Variants in EML6 observed in about 807,000 individuals in gnomAD.
The protein encoded by EML6 is EMAP like 6.
Under a neutral mutation model 240.1 loss-of-function variants are expected in EML6, and 154 were observed. That is an observed-to-expected ratio of 0.64 (90% CI 0.56 to 0.73). EML6 has a LOEUF of 0.73. Ranked by LOEUF, EML6 falls within the 30% of genes least tolerant of loss-of-function variation. The pLI is 0.00. For missense variants in EML6, 2,964 were observed against 2,474.6 expected, an observed-to-expected ratio of 1.20 and a Z score of -4.20; for synonymous variants, 1,148 against 899.0, an observed-to-expected ratio of 1.28 and a Z score of -4.95.
chr2:54,899,710 G>A lies in EML6; in HGVS notation c.3052G>A (p.Asp1018Asn), dbSNP rs781305001. ...CCTGCCCATCTGTGCAACAGTGAGCGATGATAAAACACTTCGCATCTGGGA... is the reference window on the plus strand; with the variant it reads ...CCTGCCCATCTGTGCAACAGTGAGCAATGATAAAACACTTCGCATCTGGGA... ...PLLPICATVSDDKTLRIWELS... is the reference protein window; with the variant it reads ...PLLPICATVSNDKTLRIWELS... The change falls in exon 22 of 42, where the codon GAT becomes AAT. Residue 1018 changes from aspartate to asparagine, a missense_variant. Physicochemically the swap from Asp to Asn is conservative, Grantham distance 23. Transcript: ENST00000356458. 6 of 1,552,352 alleles carry A rather than the reference G, an allele frequency of 3.9e-6. No individual in the cohort carries two copies. The highest frequency in any genetic ancestry group is 1.4e-5 in the African/African-American group (1 of 73,066).
chr2:54,829,358 T>C lies in EML6; in HGVS notation c.728T>C (p.Met243Thr), dbSNP rs200952932. Residue 243 changes from methionine to threonine, a missense_variant, in exon 7 of 42, where the codon ATG (methionine) becomes ACG (threonine). By Grantham distance (81) the Met-to-Thr change is moderately conservative. Transcript: ENST00000356458. ...QGAHSAGIFS[M>T]YACEEGFATG... ...AATCAACAGGCTGGAATCTTTAGCA[T>C]GTATGCTTGTGAAGAAGGCTTTGCC... The C allele has an allele frequency of 4.8e-4, 746 of 1,551,820 alleles. 3 individuals carry two copies. Among genetic ancestry groups the C allele is most frequent in the Middle Eastern group, 3.3e-3 (20 of 5,992 alleles).
In EML6 at chr2:54,825,017, T is replaced by C. The variant is rs567649100; in HGVS notation, c.526-2549T>C. Among the ~76,000 whole-genome samples, 12 of 152,364 alleles carry C rather than the reference T, an allele frequency of 7.9e-5. No homozygotes were observed. In the East Asian group the frequency reaches 2.3e-3, roughly 29 times the overall value. On this transcript the variant is annotated intron_variant, in intron 5 of 41. Coordinates refer to ENST00000356458, the MANE Select transcript of EML6 (RefSeq NM_001039753.4). ...CATTTTAGGGAATCATTTGACTCTT[T>C]GGAATGTTTTCATGTGGGCCTTATA...
At chr2:54,911,627 G>A (rs530231005) in intron 25 of EML6, among the ~76,000 whole-genome samples, 1 of 151,958 alleles carries the variant, frequency 6.6e-6, no homozygotes, top group South Asian at 2.1e-4. Context: ...AGTAGAGATG[G>A]GGTTTCCCCA....
At chr2:54,886,014 C>T (rs959082350) in intron 17 of EML6, among the ~76,000 whole-genome samples, 3 of 152,026 alleles carry the variant, frequency 2.0e-5, no homozygotes, top group Admixed American at 6.5e-5. Flanking sequence ...AAGAGACATT[C>T]TATTCTTTTT....
intron 24 of EML6, among the ~76,000 whole-genome samples, chr2:54,909,692 G>A (rs1483262214): frequency 6.6e-6 from 1 of 151,732 alleles, no homozygotes; most frequent in African/African-American, 2.4e-5. Flanking sequence ...CTAAAAAATA[G>A]AATTAGCCAA....
intron 28 of EML6, among the ~76,000 whole-genome samples, chr2:54,939,089 C>A (rs1486319588): frequency 2.0e-5 from 3 of 152,186 alleles, no homozygotes; most frequent in Non-Finnish European, 4.4e-5. Context: ...AAATGGATTC[C>A]TTAACAACAA....
At chr2:54,785,998 G>C (rs1161455159) in intron 2 of EML6, among the ~76,000 whole-genome samples, 1 of 152,030 alleles carries the variant, frequency 6.6e-6, no homozygotes, top group African/African-American at 2.4e-5. Context: ...TGGCCAGGAG[G>C]AAGTGGAGTG....
intron 17 of EML6, among the ~76,000 whole-genome samples, chr2:54,885,431 G>A (rs1319320424): frequency 2.0e-5 from 3 of 151,088 alleles, no homozygotes; most frequent in Non-Finnish European, 4.4e-5. Flanking sequence ...TGGGCAACAA[G>A]AACGAAACTC....
At chr2:54,744,962 A>ACACACACACC (rs1553370078) in intron 2 of EML6, among the ~76,000 whole-genome samples, 12 of 85,964 alleles carry the variant, frequency 1.4e-4, no homozygotes, top group East Asian at 3.4e-4. Flanking sequence ...ACACACACAC[A>ACACACACACC]CCCTGCCATG....
chr2:54,835,139 T>G (rs1419013485), intron 7 of EML6, among the ~76,000 whole-genome samples: 1 of 152,226 alleles, frequency 6.6e-6, no homozygotes, highest in Non-Finnish European at 1.5e-5. Flanking sequence ...AAGCCTATGC[T>G]GATGATCTCT....
chr2:54,747,871 A>T (rs1183039351), intron 2 of EML6, among the ~76,000 whole-genome samples: 2 of 151,938 alleles, frequency 1.3e-5, no homozygotes, highest in African/African-American at 4.9e-5. Context: ...TTCTTTATTT[A>T]TAACTACATT....
chr2:54,913,588 A>G (rs1673756242), intron 25 of EML6, among the ~76,000 whole-genome samples: 2 of 152,112 alleles, frequency 1.3e-5, no homozygotes, highest in South Asian at 4.1e-4. Context: ...ACTTTCTCCC[A>G]TTCTGTAGGT....
In EML6 at chr2:54,956,793, A is replaced by G. The variant is rs80273327; in HGVS notation, c.4487-997A>G. Among the ~76,000 whole-genome samples, 459 of 152,338 alleles carry G rather than the reference A, an allele frequency of 3.0e-3. 3 individuals carry two copies. Among genetic ancestry groups the G allele is most frequent in the African/African-American group, 0.011 (444 of 41,580 alleles). On this transcript the variant is annotated intron_variant, in intron 32 of 41. Coordinates refer to ENST00000356458, the MANE Select transcript of EML6 (RefSeq NM_001039753.4). Reference sequence around the variant, plus strand: ...GAAGAAGAAAAAAATAGGTGTGTGAATAATCAAGGGAGGGGTGACAAGAAA... The same window carrying G: ...GAAGAAGAAAAAAATAGGTGTGTGAGTAATCAAGGGAGGGGTGACAAGAAA...
chr2:54,803,411 T>C (rs1026756269), intron 2 of EML6, among the ~76,000 whole-genome samples: 2 of 152,146 alleles, frequency 1.3e-5, no homozygotes, highest in Non-Finnish European at 2.9e-5. Context: ...AATAAATCAT[T>C]GGGCTTTTTT....
At position 54,950,798 on chromosome 2, in the gene EML6, A is replaced by C; in HGVS notation, c.4213+19A>C. 2 of 1,544,518 alleles carry C rather than the reference A, an allele frequency of 1.3e-6. No individual in the cohort carries two copies. The highest frequency in any genetic ancestry group is 2.0e-5 in the Admixed American group (1 of 49,558). On this transcript the variant is annotated intron_variant, in intron 30 of 41. Coordinates refer to ENST00000356458, the MANE Select transcript of EML6 (RefSeq NM_001039753.4). ...TCCACAGGTAACCGGGGGTTAAAAA[A>C]TACAGGTTTTTCTTTTAGCTGTTTT...
At chr2:54,812,687 T>G (rs2631839) in intron 2 of EML6, among the ~76,000 whole-genome samples, 50,064 of 151,922 alleles carry the variant, frequency 0.33, 8,871 homozygotes, top group East Asian at 0.55. Context: ...CAGTGATCTA[T>G]GTAAAATGGA....
intron 15 of EML6, 59 bp downstream of exon 15, chr2:54,869,426 G>A: frequency 7.7e-7 from 1 of 1,291,392 alleles, no homozygotes; most frequent in Non-Finnish European, 1.1e-6. Context: ...TTTGAATTCA[G>A]TTTACATATT....
chr2:54,875,885 T>G (rs560260999), intron 16 of EML6, among the ~76,000 whole-genome samples: 1 of 152,068 alleles, frequency 6.6e-6, no homozygotes, highest in Middle Eastern at 3.2e-3. Flanking sequence ...ACCATATAAT[T>G]TTTTTAAAAG....
intron 7 of EML6, among the ~76,000 whole-genome samples, chr2:54,838,953 C>G (rs1237677256): frequency 6.6e-6 from 1 of 152,218 alleles, no homozygotes; most frequent in Non-Finnish European, 1.5e-5. Context: ...CTCTTAACTA[C>G]TGATGGATTT....
Sources: allele counts gnomAD v4.1 joint callset (sites outside exome capture counted in the v4.1 genomes callset), GRCh38; gene constraint gnomAD v4.1.1; transcripts MANE v1.5; gene names NCBI Gene and HGNC (gene_info 2026-07-23, HGNC 2026-07-21).